Variants in HORMAD2 observed in about 807,000 individuals in gnomAD.
The protein encoded by HORMAD2 is HORMA domain-containing protein 2.
Under a neutral mutation model 38.8 loss-of-function variants are expected in HORMAD2, and 45 were observed. That is an observed-to-expected ratio of 1.16 (90% CI 0.91 to 1.49). The LOEUF is 1.49. Among genes scored for constraint, HORMAD2 ranks in the 40% most tolerant of loss-of-function variants. HORMAD2 has a pLI of 0.00. For missense variants in HORMAD2, 338 were observed against 367.0 expected, an observed-to-expected ratio of 0.92 and a Z score of 0.65; for synonymous variants, 126 against 122.8, an observed-to-expected ratio of 1.03 and a Z score of -0.17.
chr22:30,103,648 G>GTTTTTTTTTTTTTTTTTTTTTT (rs1569087601), intron 4 of HORMAD2, 148 bp downstream of exon 4: 1 of 73,316 alleles, frequency 1.4e-5, no homozygotes, highest in African/African-American at 1.1e-4. Flanking sequence ...TTCTGTTTTT[G>GTTTTTTTTTTTTTTTTTTTTTT]ATTTTTTTTT....
At chr22:30,152,455 A>G (rs1924809826) in intron 10 of HORMAD2, among the ~76,000 whole-genome samples, 1 of 151,982 alleles carries the variant, frequency 6.6e-6, no homozygotes, top group Non-Finnish European at 1.5e-5. Flanking sequence ...GCCTCCCAAG[A>G]AGCTGGGACT....
intron 5 of HORMAD2, chr22:30,105,277 G>T: frequency 5.7e-6 from 1 of 174,170 alleles, no homozygotes; most frequent in South Asian, 1.3e-4. Flanking sequence ...ACACCTCTCA[G>T]ATCATATCCC....
upstream of HORMAD2, chr22:30,080,375 G>A (rs891726507): frequency 6.6e-6 from 1 of 152,252 alleles, no homozygotes; most frequent in African/African-American, 2.4e-5. Flanking sequence ...AATTATTCAT[G>A]AGGAAACCTC....
intron 5 of HORMAD2, among the ~76,000 whole-genome samples, chr22:30,106,459 C>T (rs564518413): frequency 1.3e-5 from 2 of 152,226 alleles, no homozygotes; most frequent in Non-Finnish European, 2.9e-5. Flanking sequence ...AAAGGAGGCA[C>T]TATACCCTGT....
intron 5 of HORMAD2, among the ~76,000 whole-genome samples, chr22:30,107,401 T>A (rs1921280530): frequency 6.6e-6 from 1 of 152,198 alleles, no homozygotes; most frequent in Admixed American, 6.5e-5. Context: ...TTTTCAGTTG[T>A]TAATCTTTTA....
At chr22:30,134,753 T>G (rs942334547) in intron 10 of HORMAD2, among the ~76,000 whole-genome samples, 9 of 152,090 alleles carry the variant, frequency 5.9e-5, no homozygotes, top group Admixed American at 1.3e-4. Flanking sequence ...CAGCATTTAT[T>G]CAGTCAATAA....
chr22:30,116,399 C>A (rs1032448539), intron 7 of HORMAD2, among the ~76,000 whole-genome samples: 1 of 152,168 alleles, frequency 6.6e-6, no homozygotes, highest in African/African-American at 2.4e-5. Flanking sequence ...GGCTGCAGAA[C>A]AGAGAATGAG....
intron 1 of HORMAD2, 26 bp from the exon 2 acceptor site, chr22:30,093,890 C>G: frequency 8.5e-7 from 1 of 1,173,644 alleles, no homozygotes; most frequent in Non-Finnish European, 1.2e-6. Flanking sequence ...GGCAAGGTCT[C>G]TAATTAATTA....
In HORMAD2 at chr22:30,123,169, A is replaced by C. The variant is rs1478805812; in HGVS notation, c.819+955A>C. ...AATAATATAACCAAACAAGTAACAG[A>C]TTGTTTTTAAATTTTTAGTGCTTTC... On this transcript the variant is annotated intron_variant, in intron 10 of 10. Coordinates refer to ENST00000336726, the MANE Select transcript of HORMAD2 (RefSeq NM_152510.4). Among the ~76,000 whole-genome samples, 4 of 152,140 alleles carry C rather than the reference A, an allele frequency of 2.6e-5. No homozygotes were observed. The South Asian group carries it at 6.2e-4, about 24-fold the overall frequency.
chr22:30,187,922 G>A, the HORMAD2 span, among the ~76,000 whole-genome samples: 1 of 152,094 alleles, frequency 6.6e-6, no homozygotes, highest in Non-Finnish European at 1.5e-5. Context: ...GCCGCTGTGA[G>A]TCTTAATGCA....
intron 10 of HORMAD2, among the ~76,000 whole-genome samples, chr22:30,161,874 A>G (rs13053725): frequency 6.6e-6 from 1 of 152,242 alleles, no homozygotes; most frequent in African/African-American, 2.4e-5. Flanking sequence ...AATAGAAAAC[A>G]CAATTTAAAC....
intron 10 of HORMAD2, among the ~76,000 whole-genome samples, chr22:30,168,589 C>A (rs914274525): frequency 6.6e-6 from 1 of 152,112 alleles, no homozygotes; most frequent in African/African-American, 2.4e-5. Flanking sequence ...TCTTGGTCAC[C>A]GGCATTACCA....
chr22:30,117,096 A>G (rs1409017261), intron 7 of HORMAD2, among the ~76,000 whole-genome samples: 1 of 152,234 alleles, frequency 6.6e-6, no homozygotes, highest in Non-Finnish European at 1.5e-5. Context: ...AATTAACTCC[A>G]TTACAAATCA....
chr22:30,112,825 T>A (rs1940519868), intron 7 of HORMAD2, among the ~76,000 whole-genome samples: 1 of 152,126 alleles, frequency 6.6e-6, no homozygotes, highest in African/African-American at 2.4e-5. Context: ...TTCTTAAAAA[T>A]TTTTTAAATT....
In HORMAD2 at chr22:30,151,821, C is replaced by A. The variant is rs113486761; in HGVS notation, c.820-24242C>A. ...TTTCATAGGAATTGATAAGAACACA[C>A]AGAGAGATCAAATTCTTCCACTTGG... On this transcript the variant is annotated intron_variant, in intron 10 of 10. Coordinates refer to ENST00000336726, the MANE Select transcript of HORMAD2 (RefSeq NM_152510.4). 6.7e-3 allele frequency among the ~76,000 whole-genome samples: 1,015 copies of A among 152,282 alleles called. 11 individuals carry two copies. The highest frequency in any genetic ancestry group is 0.023 in the African/African-American group (942 of 41,534).
At chr22:30,091,466 A>G (rs2068685184) in intron 1 of HORMAD2, among the ~76,000 whole-genome samples, 1 of 151,844 alleles carries the variant, frequency 6.6e-6, no homozygotes, top group Non-Finnish European at 1.5e-5. Flanking sequence ...GGGTTTCACC[A>G]TGTTGCCTAG....
chr22:30,191,199 C>T, the HORMAD2 span, among the ~76,000 whole-genome samples: 4 of 152,046 alleles, frequency 2.6e-5, no homozygotes, highest in Non-Finnish European at 5.9e-5. Context: ...CCAGACAGCT[C>T]GTCGGGAAAT....
rs1555950200 is a variant in HORMAD2, at chr22:30,139,254, C to CTATATATATG, written c.819+17049_819+17050insGTATATATAT. Among the ~76,000 whole-genome samples the CTATATATATG allele has an allele frequency of 4.1e-5, 4 of 96,740 alleles. No homozygotes were observed. In the East Asian group the frequency reaches 1.1e-3, roughly 26 times the overall value. The allele number at this position is 96,740 out of a possible 152,430, so 63.5% of individuals were successfully genotyped here. On this transcript the variant is annotated intron_variant, in intron 10 of 10. Coordinates refer to ENST00000336726, the MANE Select transcript of HORMAD2 (RefSeq NM_152510.4). ...TGTTTATATATATATATGAACTGTA[C>CTATATATATG]TATATATATATATATATATATATAT...
Position 30,121,661 on chromosome 22 carries a change from G to A in HORMAD2, c.440G>A (p.Gly147Glu), listed in dbSNP as rs202031841. 3.6e-4 allele frequency: 580 copies of A among 1,601,170 alleles called. No homozygotes were observed. In the African/African-American group the frequency reaches 6.2e-3, roughly 17 times the overall value. ...SHSSSTSFES[G>E]TNNEDIKKAS... ...AGCAGCAGTACAAGCTTTGAAAGTG[G>A]AACAAACAATGAAGATATTAAGAAA... Residue 147 changes from glycine (G) to glutamate (E), a missense_variant, in exon 9 of 11, where the codon GGA (glycine) becomes GAA (glutamate). Physicochemically the swap from Gly to Glu is moderately conservative, Grantham distance 98 (BLOSUM62 -2). Transcript: ENST00000336726.
Sources: gnomAD v4.1 joint callset for allele counts (sites outside exome capture counted in the v4.1 genomes callset) on GRCh38, gnomAD v4.1.1 for gene constraint, MANE v1.5 for transcripts, NCBI Gene and HGNC (gene_info 2026-07-23, HGNC 2026-07-21) for gene names.